The following ACBD6 variants were observed in gnomAD, a reference collection of about 807,000 sequenced individuals.
ACBD6 encodes acyl-CoA binding domain containing 6.
Under a neutral mutation model 37.2 loss-of-function variants are expected in ACBD6, and 28 were observed. The observed-to-expected ratio is 0.75, with a 90% CI of 0.56 to 1.03. ACBD6 has a LOEUF of 1.03. Ranked by LOEUF, ACBD6 falls within the 50% of genes least tolerant of loss-of-function variation. The pLI is 0.00. For synonymous variants in ACBD6, 113 were observed against 126.8 expected (o/e 0.89, Z 0.73); for missense variants, 340 against 337.4 (o/e 1.01, Z -0.06).
At chr1:180,455,903 A>C (rs1649896169) in intron 3 of ACBD6, among the ~76,000 whole-genome samples, 1 of 152,244 alleles carries the variant, frequency 6.6e-6, no homozygotes, top group South Asian at 2.1e-4. Flanking sequence ...ATGAACCTTG[A>C]AATCTTTTTT....
rs947272262 is a variant in ACBD6 at position 180,355,108 on chromosome 1, T to C, written c.664-40386A>G. Among the ~76,000 whole-genome samples the C allele has an allele frequency of 3.9e-5, 6 of 152,228 alleles. No individual in the cohort carries two copies. The East Asian group carries it at 5.8e-4, about 15-fold the overall frequency. ...TAGTGGCTAATGCTGTTTACCGCACTAGGCAATTTTTACATGAGTTCTTTT... is the reference window on the plus strand; with the variant it reads ...TAGTGGCTAATGCTGTTTACCGCACCAGGCAATTTTTACATGAGTTCTTTT... On this transcript the variant is annotated intron_variant, in intron 6 of 7. Transcript: ENST00000367595.
At chr1:180,286,000 CT>C (rs1485389866), downstream of ACBD6, among the ~76,000 whole-genome samples, 2 of 152,084 alleles carry the variant, frequency 1.3e-5, no homozygotes, top group Non-Finnish European at 2.9e-5. Flanking sequence ...TTCTATGAGA[CT>C]TTTCAAGATA....
intron 3 of ACBD6, among the ~76,000 whole-genome samples, chr1:180,449,319 A>T (rs1238948529): frequency 2.0e-5 from 3 of 152,112 alleles, no homozygotes; most frequent in Non-Finnish European, 2.9e-5. Flanking sequence ...TCTTGAAGCT[A>T]TGATTCATTA....
At chr1:180,284,867 T>C (rs748564131), downstream of ACBD6, among the ~76,000 whole-genome samples, 6 of 152,036 alleles carry the variant, frequency 3.9e-5, no homozygotes, top group African/African-American at 7.2e-5. Context: ...AATAAGATCA[T>C]GTGGCCAAGC....
chr1:180,389,215 T>C (rs1236762027), intron 6 of ACBD6, among the ~76,000 whole-genome samples: 1 of 152,172 alleles, frequency 6.6e-6, no homozygotes, highest in Non-Finnish European at 1.5e-5. Context: ...TGCGTTCTCA[T>C]TGTTCAATTC....
chr1:180,347,653 G>A (rs1652238424), intron 6 of ACBD6, among the ~76,000 whole-genome samples: 1 of 152,050 alleles, frequency 6.6e-6, no homozygotes, highest in South Asian at 2.1e-4. Flanking sequence ...AAGCTTAGAT[G>A]CACGACTGAT....
intron 3 of ACBD6, chr1:180,435,664 C>T (rs555456428): frequency 1.0e-6 from 1 of 953,448 alleles, no homozygotes; most frequent in Admixed American, 1.7e-5. Flanking sequence ...CAGAGTTTGG[C>T]AGCTCCATTT....
chr1:180,485,237 G>A (rs1651216485), intron 3 of ACBD6, among the ~76,000 whole-genome samples: 1 of 152,134 alleles, frequency 6.6e-6, no homozygotes, highest in South Asian at 2.1e-4. Flanking sequence ...CTACTAAAGA[G>A]TTAAAGAGAA....
chr1:180,365,904 A>T (rs1653037721), intron 6 of ACBD6, among the ~76,000 whole-genome samples: 1 of 151,994 alleles, frequency 6.6e-6, no homozygotes, highest in African/African-American at 2.4e-5. Flanking sequence ...CTCTGAGTAT[A>T]TCAGTTTGAT....
intron 4 of ACBD6, among the ~76,000 whole-genome samples, chr1:180,416,333 C>T (rs1002879425): frequency 6.6e-6 from 1 of 152,152 alleles, no homozygotes; most frequent in Non-Finnish European, 1.5e-5. Context: ...ATACAGCCTT[C>T]CATAGTCAAT....
At chr1:180,383,110 C>T (rs1653721773) in intron 6 of ACBD6, among the ~76,000 whole-genome samples, 1 of 152,142 alleles carries the variant, frequency 6.6e-6, no homozygotes, top group African/African-American at 2.4e-5. Context: ...ATCGGAAAAC[C>T]TTTCCCCCAA....
intron 6 of ACBD6, among the ~76,000 whole-genome samples, chr1:180,387,445 C>A (rs759242566): frequency 6.6e-6 from 1 of 152,198 alleles, no homozygotes; most frequent in Non-Finnish European, 1.5e-5. Context: ...ACCACACTTA[C>A]GACAGAAGGG....
chr1:180,369,267 G>A (rs1171786104), intron 6 of ACBD6, among the ~76,000 whole-genome samples: 7 of 152,130 alleles, frequency 4.6e-5, no homozygotes, highest in Admixed American at 3.3e-4. Flanking sequence ...CAGTTTACAT[G>A]TCCAAATGCA....
chr1:180,362,295 T>C (rs975414639), intron 6 of ACBD6, among the ~76,000 whole-genome samples: 4 of 151,656 alleles, frequency 2.6e-5, no homozygotes, highest in Admixed American at 2.6e-4. Flanking sequence ...CCAGATGGTA[T>C]GAGATTCAAC....
At position 180,331,313 on chromosome 1, in the gene ACBD6, T is replaced by C. The variant is rs981164585; in HGVS notation, c.664-16591A>G. On this transcript the variant is annotated intron_variant, in intron 6 of 7. Transcript: ENST00000367595. ...TTTGTCATAATGTTACTTAGTAATA[T>C]AACTAACATCCTTAACCCCATCAGG... Among the ~76,000 whole-genome samples, 4 of 152,224 alleles carry C rather than the reference T, an allele frequency of 2.6e-5. 1 individual carries two copies. Among genetic ancestry groups the C allele is most frequent in the Non-Finnish European group, 5.9e-5 (4 of 68,034 alleles).
At chr1:180,355,593 G>A (rs1652593714) in intron 6 of ACBD6, among the ~76,000 whole-genome samples, 1 of 152,094 alleles carries the variant, frequency 6.6e-6, no homozygotes, top group South Asian at 2.1e-4. Flanking sequence ...TTCATCAAGT[G>A]AGGTTGATTG....
chr1:180,325,488 A>C (rs1348005409), intron 6 of ACBD6, among the ~76,000 whole-genome samples: 3 of 152,226 alleles, frequency 2.0e-5, no homozygotes, highest in Middle Eastern at 3.4e-3. Flanking sequence ...GTGTTATCTT[A>C]AATTTCTTTG....
At chr1:180,279,941 G>T (rs1649257393) in intron 9 of ACBD6, among the ~76,000 whole-genome samples, 2 of 152,258 alleles carry the variant, frequency 1.3e-5, no homozygotes, top group South Asian at 4.1e-4. Flanking sequence ...TTGTTTGGCT[G>T]AAGAGAAGAT....
chr1:180,298,609 C>G (rs534084860), intron 7 of ACBD6, among the ~76,000 whole-genome samples: 1 of 152,258 alleles, frequency 6.6e-6, no homozygotes, highest in Admixed American at 6.5e-5. Context: ...CTCTAGTCAA[C>G]CAGCTATGAA....
Sources: gnomAD v4.1 joint callset for allele counts (sites outside exome capture counted in the v4.1 genomes callset) on GRCh38, gnomAD v4.1.1 for gene constraint, MANE v1.5 for transcripts, NCBI Gene and HGNC (gene_info 2026-07-23, HGNC 2026-07-21) for gene names.